PTPN9: variants seen among roughly 807,000 people sequenced by gnomAD.
PTPN9 encodes protein tyrosine phosphatase non-receptor type 9.
In PTPN9, 26 loss-of-function variants were observed where a neutral mutation model predicts 69.8. That is an observed-to-expected ratio of 0.37 (90% CI 0.27 to 0.52). The LOEUF (loss-of-function observed/expected upper bound fraction) is 0.52, where lower values mean the gene tolerates loss of function less well. Among genes scored for constraint, PTPN9 ranks in the 20% least tolerant of loss-of-function variants. PTPN9 has a pLI of 0.91. For missense variants in PTPN9, 549 were observed against 740.3 expected, an observed-to-expected ratio of 0.74 and a Z score of 3.00; for synonymous variants, 274 against 272.5, an observed-to-expected ratio of 1.01 and a Z score of -0.05.
intron 1 of PTPN9, among the ~76,000 whole-genome samples, chr15:75,548,143 G>A (rs770292247): frequency 6.6e-6 from 1 of 152,114 alleles, no homozygotes; most frequent in Non-Finnish European, 1.5e-5. Flanking sequence ...AAGTGGTAGA[G>A]CCTGAATCAG....
intron 7 of PTPN9, among the ~76,000 whole-genome samples, chr15:75,496,087 T>G (rs967235901): frequency 6.7e-6 from 1 of 149,074 alleles, no homozygotes; most frequent in Non-Finnish European, 1.5e-5. Flanking sequence ...TGCAGTGAGC[T>G]GAGATAGAGC....
At chr15:75,483,713 G>A (rs2074657734) in intron 8 of PTPN9, among the ~76,000 whole-genome samples, 1 of 152,178 alleles carries the variant, frequency 6.6e-6, no homozygotes, top group Non-Finnish European at 1.5e-5. Flanking sequence ...AACTGTTGGA[G>A]GCCGAAAGAA....
At chr15:75,476,656 G>A (rs2074598479) in intron 9 of PTPN9, among the ~76,000 whole-genome samples, 1 of 152,166 alleles carries the variant, frequency 6.6e-6, no homozygotes, top group African/African-American at 2.4e-5. Flanking sequence ...TGTATGCATA[G>A]ATAAAGGTCT....
chr15:75,570,806 T>A (rs1397673162), intron 1 of PTPN9, among the ~76,000 whole-genome samples: 2 of 151,692 alleles, frequency 1.3e-5, no homozygotes, highest in East Asian at 1.9e-4. Flanking sequence ...CACCATACAA[T>A]TAGAATAGGC....
At chr15:75,535,186 C>T (rs1385289049) in intron 1 of PTPN9, among the ~76,000 whole-genome samples, 5 of 151,794 alleles carry the variant, frequency 3.3e-5, no homozygotes, top group Admixed American at 6.6e-5. Context: ...TTAGTAGAGA[C>T]GGGGTTTCAC....
intron 1 of PTPN9, among the ~76,000 whole-genome samples, chr15:75,575,279 A>T (rs2075167061): frequency 6.6e-6 from 1 of 151,398 alleles, no homozygotes; most frequent in Non-Finnish European, 1.5e-5. Flanking sequence ...GGCCGAAAAG[A>T]AATATCTTTA....
chr15:75,496,498 C>CTTT (rs34799690), intron 7 of PTPN9, among the ~76,000 whole-genome samples: 6 of 146,694 alleles, frequency 4.1e-5, no homozygotes, highest in African/African-American at 7.4e-5. Flanking sequence ...GTATTATTAA[C>CTTT]TTTTTTTTTT....
chr15:75,527,257 G>A lies in PTPN9; in HGVS notation c.68C>T (p.Thr23Ile). ...PELTPEEEQA[T>I]KQFLEEINKW... Reference sequence around the variant, plus strand: ...GTTAATCTCTTCGAGAAACTGCTTGGTAGCCTGTTTGACAAAGAAAGAAAG... The same window carrying A: ...GTTAATCTCTTCGAGAAACTGCTTGATAGCCTGTTTGACAAAGAAAGAAAG... The change falls in exon 2 of 13, where the codon ACC becomes ATC. Residue 23 changes from threonine (T) to isoleucine (I), a missense_variant. Transcript: ENST00000618819. 6.2e-7 allele frequency: 1 copy of A among 1,613,932 alleles called. No homozygotes were observed.
At chr15:75,529,148 G>C (rs1298459585) in intron 1 of PTPN9, among the ~76,000 whole-genome samples, 1 of 151,856 alleles carries the variant, frequency 6.6e-6, no homozygotes, top group African/African-American at 2.4e-5. Context: ...CACCACGCCT[G>C]GCTAATTTTT....
chr15:75,481,816 G>A lies in PTPN9; in HGVS notation c.1063-1902C>T, dbSNP rs1382883347. 1.4e-4 allele frequency among the ~76,000 whole-genome samples: 18 copies of A among 130,234 alleles called. No homozygotes were observed. The East Asian group carries it at 2.3e-3, about 17-fold the overall frequency. 85.4% of individuals were successfully genotyped at this position (130,234 alleles called of 152,430 possible). The stretch of plus-strand genomic sequence containing the variant: ...GCCCCTCTGCCCGGCCAGCCGCCCC[G>A]TCCGGGAGGGAGGTGGGGGGGGGTC... On this transcript the variant is annotated intron_variant, in intron 8 of 12. Coordinates refer to ENST00000618819, the MANE Select transcript of PTPN9 (RefSeq NM_002833.4).
At chr15:75,476,639 A>G (rs1338668681) in intron 9 of PTPN9, among the ~76,000 whole-genome samples, 2 of 152,176 alleles carry the variant, frequency 1.3e-5, no homozygotes, top group Admixed American at 6.5e-5. Context: ...GTATGCCTAT[A>G]TCTGCATGTA....
chr15:75,576,736 A>G (rs573927993), intron 1 of PTPN9, among the ~76,000 whole-genome samples: 8 of 152,088 alleles, frequency 5.3e-5, no homozygotes, highest in South Asian at 2.1e-4. Flanking sequence ...TGAACCCTGG[A>G]GGCAGAGGTT....
At chr15:75,527,814 C>T (rs1256085303) in intron 1 of PTPN9, among the ~76,000 whole-genome samples, 11 of 151,606 alleles carry the variant, frequency 7.3e-5, no homozygotes, top group Admixed American at 7.2e-4. Flanking sequence ...TGAGATCATG[C>T]CATTGCACTC....
chr15:75,477,752 G>A lies in PTPN9; in HGVS notation c.1129+2096C>T, dbSNP rs988204908. ...ATACATTAAACATGGATACAATGTT[G>A]GCTAAAAAAAATCTCCAATTGTCTC... is the stretch of plus-strand genomic sequence containing the variant. On this transcript the variant is annotated intron_variant, in intron 9 of 12. Coordinates refer to ENST00000618819, the MANE Select transcript of PTPN9 (RefSeq NM_002833.4). 3.7e-4 allele frequency among the ~76,000 whole-genome samples: 56 copies of A among 150,896 alleles called. 1 individual carries two copies. Among genetic ancestry groups the A allele is most frequent in the Middle Eastern group, 3.4e-3 (1 of 290 alleles).
intron 7 of PTPN9, among the ~76,000 whole-genome samples, chr15:75,499,212 C>A (rs540241782): frequency 2.0e-4 from 31 of 152,122 alleles, no homozygotes; most frequent in African/African-American, 7.5e-4. Context: ...TTGTAAGTAG[C>A]TCTACTGGGA....
chr15:75,547,340 G>A (rs925451387), intron 1 of PTPN9, among the ~76,000 whole-genome samples: 4 of 144,556 alleles, frequency 2.8e-5, no homozygotes, highest in Non-Finnish European at 6.1e-5. Context: ...GGCTCACACC[G>A]GTAATCCCAG....
At chr15:75,547,052 T>C (rs1436312064) in intron 1 of PTPN9, among the ~76,000 whole-genome samples, 9 of 151,670 alleles carry the variant, frequency 5.9e-5, no homozygotes, top group Admixed American at 4.6e-4. Context: ...TCCCAGCACT[T>C]TGGGAGGCCT....
intron 1 of PTPN9, among the ~76,000 whole-genome samples, chr15:75,577,086 A>G (rs1479727946): frequency 1.3e-5 from 2 of 152,198 alleles, no homozygotes; most frequent in Non-Finnish European, 2.9e-5. Context: ...CATTCAATTC[A>G]GGGTAAAAGA....
At position 75,465,626 on chromosome 15, in the gene PTPN9, T is replaced by C. The variant is rs1029874439; in HGVS notation, c.*3143A>G. 1 of 152,202 alleles carries C rather than the reference T, an allele frequency of 6.6e-6. No individual in the cohort carries two copies. Among genetic ancestry groups the C allele is most frequent in the Non-Finnish European group, 1.5e-5 (1 of 68,036 alleles). 9.4% of individuals were successfully genotyped at this position (152,202 alleles called of 1,614,324 possible). A position where few individuals can be genotyped will look rare whatever the true frequency, so the allele number is the denominator to read the frequency against. On this transcript the variant is annotated 3_prime_UTR_variant, in exon 13 of 13. Transcript: ENST00000618819. ...AGGAGACATCAATTTGTTAACTCTC[T>C]ATAGGGTCAGAAACATGAACTAAAT...
Sources: gnomAD v4.1 joint callset for allele counts (sites outside exome capture counted in the v4.1 genomes callset) on GRCh38, gnomAD v4.1.1 for gene constraint, MANE v1.5 for transcripts, NCBI Gene and HGNC (gene_info 2026-07-23, HGNC 2026-07-21) for gene names.